Variants in LRP1B observed in about 807,000 individuals in gnomAD.
LRP1B encodes the protein low-density lipoprotein receptor-related protein 1B.
LRP1B carries 217 observed loss-of-function variants against 556.6 expected under a neutral mutation model. The ratio of observed to expected loss-of-function variants is 0.39; its 90% CI spans 0.35 to 0.44. The LOEUF is 0.44. Ranked by LOEUF, LRP1B falls within the 20% of genes least tolerant of loss-of-function variation. LRP1B has a pLI of 1.00. For synonymous variants in LRP1B, 2,047 were observed against 1,865.8 expected (o/e 1.10, Z -2.50); for missense variants, 5,053 against 5,620.8 (o/e 0.90, Z 3.23).
At chr2:140,908,568 C>T (rs1694328276) in intron 21 of LRP1B, among the ~76,000 whole-genome samples, 1 of 151,632 alleles carries the variant, frequency 6.6e-6, no homozygotes, top group African/African-American at 2.4e-5. Flanking sequence ...AGAGGTTGTC[C>T]TTCTATTTAC....
intron 3 of LRP1B, among the ~76,000 whole-genome samples, chr2:141,438,489 G>C (rs754315823): frequency 1.3e-5 from 2 of 152,128 alleles, no homozygotes; most frequent in South Asian, 2.1e-4. Flanking sequence ...ACTTGTTAGA[G>C]TGGCTTCCAT....
intron 11 of LRP1B, among the ~76,000 whole-genome samples, chr2:141,042,094 T>G (rs185299603): frequency 6.6e-6 from 1 of 152,210 alleles, no homozygotes; most frequent in East Asian, 1.9e-4. Flanking sequence ...GTTCCAAGGT[T>G]CTCTCACATT....
intron 2 of LRP1B, among the ~76,000 whole-genome samples, chr2:141,504,259 G>A (rs1683836367): frequency 6.6e-6 from 1 of 152,112 alleles, no homozygotes. Context: ...GCAGGATGAT[G>A]TCTTAATAAT....
In LRP1B at chr2:142,061,780, A is replaced by C. The variant is rs141125910; in HGVS notation, c.82+68868T>G. Among the ~76,000 whole-genome samples the C allele has an allele frequency of 5.0e-3, 760 of 152,100 alleles. 10 individuals are homozygous for C. Among genetic ancestry groups the C allele is most frequent in the African/African-American group, 0.018 (736 of 41,536 alleles). On this transcript the variant is annotated intron_variant, in intron 1 of 90. Transcript: ENST00000389484. ...TAGACTTCAGAACATAAAAACTTAC[A>C]AAACTCATTTCATTTCGTCTGATAT... is the stretch of plus-strand genomic sequence containing the variant.
At chr2:141,290,503 A>G (rs1307930206) in intron 3 of LRP1B, among the ~76,000 whole-genome samples, 3 of 152,150 alleles carry the variant, frequency 2.0e-5, no homozygotes, top group Non-Finnish European at 2.9e-5. Flanking sequence ...GGCTATTGAT[A>G]TAACAATAAA....
At position 141,044,807 on chromosome 2, in the gene LRP1B, T is replaced by G. The variant is rs1345075032; in HGVS notation, c.1789+4179A>C. On this transcript the variant is annotated intron_variant, in intron 11 of 90. Coordinates refer to ENST00000389484, the MANE Select transcript of LRP1B (RefSeq NM_018557.3). Reference sequence around the variant, plus strand: ...GAGGATGTGGAGAAATAGGAACACTTTTACACTGTTGGTGGGACTGTAAAC... The same window carrying G: ...GAGGATGTGGAGAAATAGGAACACTGTTACACTGTTGGTGGGACTGTAAAC... 2.6e-3 allele frequency among the ~76,000 whole-genome samples: 394 copies of G among 149,780 alleles called. 2 individuals are homozygous for G. Among genetic ancestry groups the G allele is most frequent in the African/African-American group, 9.4e-3 (383 of 40,916 alleles).
intron 15 of LRP1B, among the ~76,000 whole-genome samples, chr2:140,998,485 G>A (rs1016446567): frequency 2.0e-5 from 3 of 151,808 alleles, no homozygotes; most frequent in Admixed American, 1.3e-4. Context: ...CTTGGTAATT[G>A]ATCACCTAGC....
At chr2:141,330,649 A>G (rs999647167) in intron 3 of LRP1B, among the ~76,000 whole-genome samples, 1 of 152,178 alleles carries the variant, frequency 6.6e-6, no homozygotes, top group African/African-American at 2.4e-5. Context: ...AGTTTTATCA[A>G]CAAGGATCTG....
Position 140,922,975 on chromosome 2 carries a change from A to G in LRP1B, c.3309T>C (p.Cys1103=). ...GCAATGTTCACTTACCTGTACTCCA[A>G]CAGGAAAACTTGGTTTTGTGGTCAC... ...RLCDHKTKFS[C]WSTGRCINKA... The change falls in exon 21 of 91, where the codon TGT becomes TGC. Residue 1103 remains cysteine (C), a synonymous_variant. Transcript: ENST00000389484. 10 of 1,612,372 alleles carry G rather than the reference A, an allele frequency of 6.2e-6. No individual in the cohort carries two copies. The highest frequency in any genetic ancestry group is 8.5e-6 in the Non-Finnish European group (10 of 1,178,956).
At chr2:141,340,574 T>A (rs761293457) in intron 3 of LRP1B, among the ~76,000 whole-genome samples, 1 of 152,172 alleles carries the variant, frequency 6.6e-6, no homozygotes, top group Non-Finnish European at 1.5e-5. Flanking sequence ...CCATTACAAA[T>A]GTTCTAAAAG....
At chr2:140,598,313 A>G (rs1682521517) in intron 43 of LRP1B, among the ~76,000 whole-genome samples, 2 of 152,194 alleles carry the variant, frequency 1.3e-5, no homozygotes, top group African/African-American at 4.8e-5. Context: ...TAAAAACTAT[A>G]CATAACAATG....
At chr2:140,385,831 T>G in intron 67 of LRP1B, 62 bp downstream of exon 67, 1 of 1,086,270 alleles carries the variant, frequency 9.2e-7, no homozygotes, top group Non-Finnish European at 1.4e-6. Context: ...AACTAAAAAT[T>G]GCCATCCTGC....
intron 86 of LRP1B, among the ~76,000 whole-genome samples, chr2:140,252,062 CAAA>C: frequency 4.2e-3 from 77 of 18,552 alleles, no homozygotes; most frequent in East Asian, 0.039. Flanking sequence ...TGACAAGATG[CAAA>C]AAAAAAAAAA....
chr2:142,120,095 C>G (rs138239233), intron 1 of LRP1B, among the ~76,000 whole-genome samples: 3 of 140,220 alleles, frequency 2.1e-5, no homozygotes, highest in Non-Finnish European at 4.6e-5. Context: ...CCTCACCACT[C>G]ACTTCTTTAC....
At chr2:140,733,003 G>T (rs1687828112) in intron 35 of LRP1B, among the ~76,000 whole-genome samples, 1 of 152,132 alleles carries the variant, frequency 6.6e-6, no homozygotes, top group African/African-American at 2.4e-5. Context: ...GTGTGTACTT[G>T]TGTGCATGTA....
At chr2:141,632,408 T>C (rs1278119213) in intron 2 of LRP1B, among the ~76,000 whole-genome samples, 1 of 152,198 alleles carries the variant, frequency 6.6e-6, no homozygotes, top group Non-Finnish European at 1.5e-5. Context: ...AGTAACAGAA[T>C]GCATTTTAAT....
chr2:140,410,610 A>C (rs1195066111), intron 66 of LRP1B, among the ~76,000 whole-genome samples: 2 of 152,144 alleles, frequency 1.3e-5, no homozygotes, highest in African/African-American at 4.8e-5. Context: ...GTGCCAATAA[A>C]ATTCTCATTT....
At chr2:141,264,937 G>A (rs530661733) in intron 3 of LRP1B, among the ~76,000 whole-genome samples, 7 of 152,178 alleles carry the variant, frequency 4.6e-5, no homozygotes, top group African/African-American at 1.7e-4. Context: ...TTGGAGGCAG[G>A]CAGGGCCGGA....
intron 3 of LRP1B, among the ~76,000 whole-genome samples, chr2:141,456,994 CT>C (rs1681659372): frequency 6.6e-6 from 1 of 152,168 alleles, no homozygotes; most frequent in Admixed American, 6.6e-5. Flanking sequence ...AGTAAGATGG[CT>C]TTTCTGACTG....
Sources: gnomAD v4.1 joint callset for allele counts (sites outside exome capture counted in the v4.1 genomes callset) on GRCh38, gnomAD v4.1.1 for gene constraint, MANE v1.5 for transcripts, NCBI Gene and HGNC (gene_info 2026-07-23, HGNC 2026-07-21) for gene names.